The following SIK2 variants were observed in gnomAD, a reference collection of about 807,000 sequenced individuals.
SIK2 encodes the protein serine/threonine-protein kinase SIK2.
A neutral mutation model predicts 103.2 loss-of-function variants in SIK2; 29 were observed. The observed-to-expected ratio is 0.28, with a 90% confidence interval of 0.21 to 0.38. The LOEUF is 0.38. SIK2 is among the 10% of genes least tolerant of loss of function. SIK2 has a pLI of 1.00. For missense variants in SIK2, 879 were observed against 1,171.0 expected (o/e 0.75, Z 3.64); for synonymous variants, 412 against 446.1 (o/e 0.92, Z 0.96).
At chr11:111,699,184 A>C (rs2135918576) in intron 4 of SIK2, among the ~76,000 whole-genome samples, 1 of 152,238 alleles carries the variant, frequency 6.6e-6, no homozygotes, top group East Asian at 1.9e-4. Flanking sequence ...TCTCCCTGGC[A>C]CCACCTTTGC....
chr11:111,723,739 GC>G lies in SIK2; in HGVS notation c.2392del (p.Gln798SerfsTer80). 1 of 1,614,124 alleles carries G rather than the reference GC, an allele frequency of 6.2e-7. No individual in the cohort carries two copies. Among genetic ancestry groups the G allele is most frequent in the Non-Finnish European group, 8.5e-7 (1 of 1,180,048 alleles). On this transcript the variant is annotated frameshift_variant, in exon 15 of 15. Transcript: ENST00000304987. LOFTEE classifies it high-confidence loss of function. ...CTTTCCTCAGCCAGTACCAAGAGAT[GC>G]AGCTTCAGCCCCTGCCCTCCACTTC... Reference protein sequence around the residue: ...SPFLSQYQEMQLQPLPSTSGP... With the variant: ...SPFLSQYQEMXLQPLPSTSGP...
intron 1 of SIK2, among the ~76,000 whole-genome samples, chr11:111,604,085 C>A (rs1941618160): frequency 6.6e-6 from 1 of 152,242 alleles, no homozygotes; most frequent in African/African-American, 2.4e-5. Flanking sequence ...CAGATATTTT[C>A]TTCTCACAGA....
chr11:111,682,602 C>T (rs1369321627), intron 3 of SIK2, among the ~76,000 whole-genome samples: 1 of 151,894 alleles, frequency 6.6e-6, no homozygotes, highest in East Asian at 1.9e-4. Flanking sequence ...AAATTGATGT[C>T]AAAAATTGCT....
chr11:111,628,127 G>A (rs1382424285), intron 3 of SIK2, among the ~76,000 whole-genome samples: 1 of 152,182 alleles, frequency 6.6e-6, no homozygotes, highest in African/African-American at 2.4e-5. Context: ...GAATGGATGT[G>A]TCCAACTATT....
intron 3 of SIK2, among the ~76,000 whole-genome samples, chr11:111,665,465 C>T (rs1183934982): frequency 2.6e-5 from 4 of 151,846 alleles, no homozygotes; most frequent in African/African-American, 9.7e-5. Flanking sequence ...ACCGTGATTG[C>T]GTCACTGCAC....
At chr11:111,647,820 AT>A (rs773153484) in intron 3 of SIK2, among the ~76,000 whole-genome samples, 2 of 149,166 alleles carry the variant, frequency 1.3e-5, no homozygotes, top group Non-Finnish European at 3.0e-5. Context: ...GTGAGCTGAG[AT>A]TGTGCCACTG....
chr11:111,667,777 G>T (rs980111238), intron 3 of SIK2, among the ~76,000 whole-genome samples: 2 of 152,140 alleles, frequency 1.3e-5, no homozygotes, highest in South Asian at 2.1e-4. Flanking sequence ...ATAGATGTGA[G>T]CCACCACACC....
rs1943205465 is a variant in SIK2 at position 111,701,233 on chromosome 11, T to C, written c.604-219T>C. On this transcript the variant is annotated intron_variant, in intron 5 of 14. Transcript: ENST00000304987. The surrounding 1 kb of genome is among the most constrained non-coding windows in gnomAD (Gnocchi z 4.2). ...ATATCAGCAGTAATTTAAAGTTAAG[T>C]AGTAATCAAAATTATCAGATTCAAA... 6.6e-6 allele frequency among the ~76,000 whole-genome samples: 1 copy of C among 152,256 alleles called. No individual in the cohort carries two copies. The highest frequency in any genetic ancestry group is 1.9e-4 in the East Asian group (1 of 5,206).
At chr11:111,672,783 G>A (rs1483376370) in intron 3 of SIK2, among the ~76,000 whole-genome samples, 4 of 152,116 alleles carry the variant, frequency 2.6e-5, no homozygotes, top group Non-Finnish European at 4.4e-5. Flanking sequence ...TTTTAACTTT[G>A]GTAGGTCCAG....
chr11:111,724,157 G>A lies in SIK2; in HGVS notation c.*28G>A. The A allele has an allele frequency of 6.3e-7, 1 of 1,589,664 alleles. No individual in the cohort carries two copies. The stretch of plus-strand genomic sequence containing the variant: ...TCAGCACAGGAATTGAGGTGGGTCA[G>A]GTGAAGGAAGAGTGTATGTTCCTAT... On this transcript the variant is annotated 3_prime_UTR_variant, in exon 15 of 15. Coordinates refer to ENST00000304987, the MANE Select transcript of SIK2 (RefSeq NM_015191.3).
chr11:111,725,946 C>G lies in SIK2; in HGVS notation c.*1817C>G, dbSNP rs1943950997. 1 of 152,204 alleles carries G rather than the reference C, an allele frequency of 6.6e-6. No individual in the cohort carries two copies. Among genetic ancestry groups the G allele is most frequent in the African/African-American group, 2.4e-5 (1 of 41,450 alleles). 9.4% of individuals were successfully genotyped at this position (152,204 alleles called of 1,614,324 possible). A position where few individuals can be genotyped will look rare whatever the true frequency, so the allele number is the denominator to read the frequency against. ...GTCATTTTTGTGATTTAATAACACA[C>G]AGTGAAAATCCAGGAAGAATGAATT... On this transcript the variant is annotated 3_prime_UTR_variant, in exon 15 of 15. Transcript: ENST00000304987.
intron 3 of SIK2, chr11:111,671,219 G>A (rs2135880430): frequency 3.8e-6 from 1 of 261,894 alleles, no homozygotes; most frequent in Non-Finnish European, 7.5e-6. Context: ...TCCTTGCCCT[G>A]CAGCAGCTTG....
At chr11:111,681,990 G>T (rs186492785) in intron 3 of SIK2, among the ~76,000 whole-genome samples, 1 of 152,144 alleles carries the variant, frequency 6.6e-6, no homozygotes, top group African/African-American at 2.4e-5. Context: ...CCAGTAAGCC[G>T]TGTGTTAACA....
At chr11:111,698,857 G>A (rs1032759603) in intron 4 of SIK2, among the ~76,000 whole-genome samples, 2 of 152,162 alleles carry the variant, frequency 1.3e-5, no homozygotes, top group Non-Finnish European at 2.9e-5. Context: ...ACACACATCC[G>A]AGAGCTTCTT....
At chr11:111,715,100 T>C (rs182370738) in intron 9 of SIK2, among the ~76,000 whole-genome samples, 1 of 152,172 alleles carries the variant, frequency 6.6e-6, no homozygotes, top group Non-Finnish European at 1.5e-5. Flanking sequence ...GCAAAAGATA[T>C]AGACAGGAGC....
chr11:111,646,702 A>G (rs1311900321), intron 3 of SIK2, among the ~76,000 whole-genome samples: 2 of 152,246 alleles, frequency 1.3e-5, no homozygotes, highest in African/African-American at 2.4e-5. Flanking sequence ...ATAGAAATAG[A>G]ATCACATAAT....
chr11:111,699,059 T>A (rs1228633455), intron 4 of SIK2, among the ~76,000 whole-genome samples: 1 of 152,230 alleles, frequency 6.6e-6, no homozygotes, highest in Non-Finnish European at 1.5e-5. Flanking sequence ...TGAGATATGA[T>A]GTTCTAGGAG....
At chr11:111,723,408 T>C (rs1292660371) in intron 14 of SIK2, 88 bp from the exon 15 acceptor site, 2 of 1,383,566 alleles carry the variant, frequency 1.4e-6, no homozygotes, top group South Asian at 1.4e-5. Flanking sequence ...AGTAGAAGAC[T>C]GAAGCTAGTG....
intron 3 of SIK2, among the ~76,000 whole-genome samples, chr11:111,668,627 T>C (rs1461719394): frequency 6.6e-6 from 1 of 152,204 alleles, no homozygotes; most frequent in Non-Finnish European, 1.5e-5. Flanking sequence ...TATTGTGCCA[T>C]GGTAACAACT....
Sources: gnomAD v4.1 joint callset for allele counts (sites outside exome capture counted in the v4.1 genomes callset) on GRCh38, gnomAD v4.1.1 for gene constraint, Gnocchi (gnomAD v3.1) non-coding constraint, MANE v1.5 for transcripts, NCBI Gene and HGNC (gene_info 2026-07-23, HGNC 2026-07-21) for gene names.